Variants in FSHR observed in about 807,000 individuals in gnomAD.
FSHR encodes the protein follicle-stimulating hormone receptor.
A neutral mutation model predicts 52.1 loss-of-function variants in FSHR; 46 were observed. The observed-to-expected ratio is 0.88, with a 90% CI of 0.70 to 1.13. The LOEUF is 1.13. Among genes scored for constraint, FSHR ranks in the 50% most tolerant of loss-of-function variants. The pLI, the probability that FSHR is intolerant of heterozygous loss-of-function variation, is 0.00. For missense variants in FSHR, 964 were observed against 834.6 expected, an observed-to-expected ratio of 1.16 and a Z score of -1.91; for synonymous variants, 399 against 309.6, an observed-to-expected ratio of 1.29 and a Z score of -3.03.
chr2:49,003,798 G>C (rs1332989408), intron 4 of FSHR, among the ~76,000 whole-genome samples: 1 of 147,562 alleles, frequency 6.8e-6, no homozygotes, highest in African/African-American at 2.5e-5. Flanking sequence ...CCTTGGAGTA[G>C]TGCAGAATCT....
At chr2:49,011,052 A>G (rs1212822898) in intron 4 of FSHR, among the ~76,000 whole-genome samples, 1 of 149,860 alleles carries the variant, frequency 6.7e-6, no homozygotes. Context: ...GATTTTAGTT[A>G]TTTCTTGCCT....
At chr2:49,009,188 T>C (rs1312517669) in intron 4 of FSHR, among the ~76,000 whole-genome samples, 2 of 151,554 alleles carry the variant, frequency 1.3e-5, no homozygotes, top group African/African-American at 2.4e-5. Flanking sequence ...TAATCCATCT[T>C]GAATTGATTT....
intron 8 of FSHR, among the ~76,000 whole-genome samples, chr2:48,975,535 A>C (rs1674948827): frequency 6.6e-6 from 1 of 152,076 alleles, no homozygotes; most frequent in African/African-American, 2.4e-5. Context: ...GAAGCTTTCA[A>C]GTTTGGACCA....
intron 9 of FSHR, among the ~76,000 whole-genome samples, chr2:48,967,827 G>T (rs985640238): frequency 6.6e-6 from 1 of 152,184 alleles, no homozygotes; most frequent in African/African-American, 2.4e-5. Flanking sequence ...GTTAAACAGA[G>T]AAATAATATC....
At chr2:49,103,138 A>T (rs376628973) in intron 1 of FSHR, among the ~76,000 whole-genome samples, 63 of 152,206 alleles carry the variant, frequency 4.1e-4, no homozygotes, top group South Asian at 1.0e-3. Context: ...CCCCTCCCCA[A>T]AACAATTTTT....
rs1000226449 is a variant in FSHR, at chr2:48,996,911, G to A, written c.375-6274C>T. Among the ~76,000 whole-genome samples, 7 of 152,128 alleles carry A rather than the reference G, an allele frequency of 4.6e-5. No homozygotes were observed. The South Asian group carries it at 6.2e-4, about 14-fold the overall frequency. The stretch of plus-strand genomic sequence containing the variant: ...TATATGAAAAGACTCGCTACTTTAT[G>A]AGGCTTGCTAATATTGATATTTCTA... On this transcript the variant is annotated intron_variant, in intron 4 of 9. Coordinates refer to ENST00000406846, the MANE Select transcript of FSHR (RefSeq NM_000145.4).
intron 2 of FSHR, among the ~76,000 whole-genome samples, chr2:49,023,042 C>T (rs1184919764): frequency 6.6e-6 from 1 of 152,100 alleles, no homozygotes; most frequent in Non-Finnish European, 1.5e-5. Context: ...TAATATGCTA[C>T]CAGACTTTTT....
chr2:48,987,510 G>A lies in FSHR; in HGVS notation c.524+1467C>T, dbSNP rs181036126. ...CAGGCATGAGCCACCACGCCCACCT[G>A]ATTATTTTTATTTTTATAAAAGGCA... is the stretch of plus-strand genomic sequence containing the variant. On this transcript the variant is annotated intron_variant, in intron 6 of 9. Transcript: ENST00000406846. Among the ~76,000 whole-genome samples the A allele has an allele frequency of 4.3e-3, 648 of 151,944 alleles. 5 individuals are homozygous for A. Among genetic ancestry groups the A allele is most frequent in the African/African-American group, 0.013 (544 of 41,420 alleles).
At chr2:49,081,347 T>C (rs745704412) in intron 1 of FSHR, among the ~76,000 whole-genome samples, 2 of 152,082 alleles carry the variant, frequency 1.3e-5, no homozygotes, top group African/African-American at 2.4e-5. Flanking sequence ...GTATCTTATA[T>C]TAAAAAAAAA....
intron 8 of FSHR, among the ~76,000 whole-genome samples, chr2:48,974,214 C>A (rs561577730): frequency 2.0e-5 from 3 of 152,134 alleles, no homozygotes; most frequent in Middle Eastern, 3.2e-3. Context: ...AGGGAGCAAC[C>A]TTGTGCAATG....
rs866359351 is a variant in FSHR at position 48,963,350 on chromosome 2, C to T, written c.1471G>A (p.Val491Met). The change falls in exon 10 of 10, where the codon GTG becomes ATG. Residue 491 changes from valine (V) to methionine (M), a missense_variant. Coordinates refer to ENST00000406846, the MANE Select transcript of FSHR (RefSeq NM_000145.4). The part of the protein sequence containing the change: ...VQLRHAASVM[V>M]MGWIFAFAAA... ...GCAAAAGCAAAAATCCAGCCCATCA[C>T]CATGACACTGGCAGCATGGCGGAGC... The T allele has an allele frequency of 1.2e-6, 2 of 1,614,044 alleles. No individual in the cohort carries two copies. Among genetic ancestry groups the T allele is most frequent in the Non-Finnish European group, 1.7e-6 (2 of 1,179,976 alleles).
chr2:49,094,058 A>G (rs531913245), intron 1 of FSHR, among the ~76,000 whole-genome samples: 123 of 152,220 alleles, frequency 8.1e-4, no homozygotes, highest in Non-Finnish European at 1.3e-3. Context: ...TGTTTACTCT[A>G]TATTTCATTA....
chr2:48,972,949 G>A (rs1674809353), intron 8 of FSHR, among the ~76,000 whole-genome samples: 1 of 151,996 alleles, frequency 6.6e-6, no homozygotes, highest in Admixed American at 6.6e-5. Context: ...CATATACTCT[G>A]TGGTAGATTA....
At chr2:49,009,615 G>C (rs7424375) in intron 4 of FSHR, among the ~76,000 whole-genome samples, 2 of 144,292 alleles carry the variant, frequency 1.4e-5, no homozygotes, top group African/African-American at 5.0e-5. Context: ...AATTACCTTG[G>C]GCAGTATGGC....
chr2:49,010,424 G>GAAT (rs1272952241), intron 4 of FSHR, among the ~76,000 whole-genome samples: 2 of 152,018 alleles, frequency 1.3e-5, no homozygotes, highest in South Asian at 4.1e-4. Flanking sequence ...GCTGGATTCA[G>GAAT]TTTGCCAGTA....
intron 1 of FSHR, among the ~76,000 whole-genome samples, chr2:49,140,766 G>A (rs1283463968): frequency 1.3e-5 from 2 of 151,872 alleles, no homozygotes; most frequent in South Asian, 2.1e-4. Flanking sequence ...CTTAGAAAAG[G>A]CTATGAGGTC....
At chr2:49,036,710 T>C (rs1668283991) in intron 2 of FSHR, among the ~76,000 whole-genome samples, 1 of 152,148 alleles carries the variant, frequency 6.6e-6, no homozygotes, top group Non-Finnish European at 1.5e-5. Flanking sequence ...CTATGTCTTT[T>C]ACTAATTTAT....
chr2:48,968,762 G>A lies in FSHR; in HGVS notation c.790C>T (p.Leu264Phe). 2 of 1,614,132 alleles carry A rather than the reference G, an allele frequency of 1.2e-6. No homozygotes were observed. Among genetic ancestry groups the A allele is most frequent in the Non-Finnish European group, 1.7e-6 (2 of 1,180,008 alleles). ...GGATAGGTGAGGCTGGCTTCCATGA[G>A]GGCGACAAGCTTTTCCAGAGTAGGC... Reference protein sequence around the residue: ...KLPTLEKLVALMEASLTYPSH... With the variant: ...KLPTLEKLVAFMEASLTYPSH... The change falls in exon 9 of 10, where the codon CTC becomes TTC. Residue 264 changes from leucine (L) to phenylalanine (F), a missense_variant. Coordinates refer to ENST00000406846, the MANE Select transcript of FSHR (RefSeq NM_000145.4).
chr2:49,025,066 A>G (rs1213804444), intron 2 of FSHR, among the ~76,000 whole-genome samples: 1 of 152,216 alleles, frequency 6.6e-6, no homozygotes, highest in Non-Finnish European at 1.5e-5. Flanking sequence ...ATTATAAAAG[A>G]TTTTCCACCT....
Sources: gnomAD v4.1 joint callset for allele counts (sites outside exome capture counted in the v4.1 genomes callset) on GRCh38, gnomAD v4.1.1 for gene constraint, MANE v1.5 for transcripts, NCBI Gene and HGNC (gene_info 2026-07-23, HGNC 2026-07-21) for gene names.